The following MDGA2 variants were observed in gnomAD, a reference collection of about 807,000 sequenced individuals.
MDGA2 encodes the protein MAM domain-containing glycosylphosphatidylinositol anchor protein 2.
In MDGA2, 40 loss-of-function variants were observed where a neutral mutation model predicts 117.8. The ratio of observed to expected loss-of-function variants is 0.34; its 90% CI spans 0.26 to 0.44. The LOEUF (loss-of-function observed/expected upper bound fraction) is 0.44, where lower values mean the gene tolerates loss of function less well. Ranked by LOEUF, MDGA2 falls within the 20% of genes least tolerant of loss-of-function variation. MDGA2 has a pLI of 1.00. For synonymous variants in MDGA2, 452 were observed against 439.0 expected, an observed-to-expected ratio of 1.03 and a Z score of -0.37; for missense variants, 1,123 against 1,250.6, an observed-to-expected ratio of 0.90 and a Z score of 1.54.
At chr14:47,090,827 G>C (rs1233744158) in intron 6 of MDGA2, among the ~76,000 whole-genome samples, 2 of 152,116 alleles carry the variant, frequency 1.3e-5, no homozygotes, top group East Asian at 3.9e-4. Context: ...ACAAAGAGAA[G>C]AGACAGACAG....
At chr14:47,257,497 T>A (rs1887661616) in intron 2 of MDGA2, among the ~76,000 whole-genome samples, 1 of 152,152 alleles carries the variant, frequency 6.6e-6, no homozygotes, top group Non-Finnish European at 1.5e-5. Flanking sequence ...TTATATTTTA[T>A]TATATATGTT....
chr14:47,135,710 T>C (rs923360891), intron 4 of MDGA2, among the ~76,000 whole-genome samples: 1 of 152,168 alleles, frequency 6.6e-6, no homozygotes, highest in Non-Finnish European at 1.5e-5. Context: ...AGTTTGTCAT[T>C]TGAGACTCTA....
chr14:47,131,896 C>A, intron 4 of MDGA2, 50 bp from the exon 5 acceptor site: 2 of 1,415,956 alleles, frequency 1.4e-6, no homozygotes, highest in South Asian at 1.4e-5. Context: ...CCAACACAAC[C>A]AGAATGAATG....
intron 1 of MDGA2, among the ~76,000 whole-genome samples, chr14:47,394,763 A>C (rs1220272080): frequency 6.6e-6 from 1 of 152,184 alleles, no homozygotes; most frequent in African/African-American, 2.4e-5. Context: ...ACAAAAATAT[A>C]TTATGATCAT....
At chr14:46,907,103 A>G (rs145110229) in intron 10 of MDGA2, among the ~76,000 whole-genome samples, 1,935 of 151,276 alleles carry the variant, frequency 0.013, 43 homozygotes, top group African/African-American at 0.044. Context: ...CAGCCTCCCA[A>G]GTAGCTGGGA....
chr14:47,540,878 T>G (rs914669383), intron 1 of MDGA2, among the ~76,000 whole-genome samples: 1 of 152,162 alleles, frequency 6.6e-6, no homozygotes, highest in African/African-American at 2.4e-5. Context: ...CTATATATTT[T>G]ATTTGATTGG....
At chr14:47,256,126 C>A (rs1176941899) in intron 2 of MDGA2, among the ~76,000 whole-genome samples, 1 of 138,098 alleles carries the variant, frequency 7.2e-6, no homozygotes, top group Non-Finnish European at 1.5e-5. Flanking sequence ...AAGCCCTGAT[C>A]TTATATCTCA....
intron 1 of MDGA2, among the ~76,000 whole-genome samples, chr14:47,545,106 A>T (rs1386262380): frequency 6.6e-6 from 1 of 152,216 alleles, no homozygotes; most frequent in African/African-American, 2.4e-5. Flanking sequence ...GCCTTCTATT[A>T]GTATTGTGAA....
At position 47,302,941 on chromosome 14, in the gene MDGA2, T is replaced by C. The variant is rs540238437; in HGVS notation, c.281-1391A>G. ...GCTCTTTCTAGGTACCAAAGCATAA[T>C]CCTGTTACTCAACCTTGAAACTCAG... On this transcript the variant is annotated intron_variant, in intron 1 of 16. Transcript: ENST00000399232. Among the ~76,000 whole-genome samples the C allele has an allele frequency of 2.6e-5, 4 of 152,246 alleles. No homozygotes were observed. The East Asian group carries it at 7.7e-4, about 29-fold the overall frequency.
chr14:47,190,418 T>G (rs1885065788), intron 3 of MDGA2, among the ~76,000 whole-genome samples: 1 of 152,178 alleles, frequency 6.6e-6, no homozygotes, highest in African/African-American at 2.4e-5. Flanking sequence ...ACATTGACCT[T>G]CAAGGTATGT....
intron 14 of MDGA2, among the ~76,000 whole-genome samples, chr14:46,863,437 C>T: frequency 6.6e-6 from 1 of 152,086 alleles, no homozygotes; most frequent in East Asian, 1.9e-4. Flanking sequence ...AGGCACACAG[C>T]CTGTGCAATT....
chr14:47,053,166 C>A (rs1889516475), intron 7 of MDGA2, among the ~76,000 whole-genome samples: 1 of 151,812 alleles, frequency 6.6e-6, no homozygotes, highest in Non-Finnish European at 1.5e-5. Flanking sequence ...GCTTATTTTC[C>A]TTGATTTCCA....
chr14:47,207,922 C>T (rs1885745847), intron 3 of MDGA2, among the ~76,000 whole-genome samples: 1 of 151,960 alleles, frequency 6.6e-6, no homozygotes, highest in Non-Finnish European at 1.5e-5. Flanking sequence ...CAGTATGTTT[C>T]AGAAGCTAAG....
intron 2 of MDGA2, among the ~76,000 whole-genome samples, chr14:47,242,905 C>G (rs534944725): frequency 6.6e-6 from 1 of 151,806 alleles, no homozygotes; most frequent in Non-Finnish European, 1.5e-5. Context: ...CAGCTGGGCT[C>G]CTGAGTCTGG....
At chr14:47,026,910 A>G (rs538905982) in intron 8 of MDGA2, among the ~76,000 whole-genome samples, 57 of 152,270 alleles carry the variant, frequency 3.7e-4, no homozygotes, top group Non-Finnish European at 6.6e-4. Flanking sequence ...AGTGGTTCAC[A>G]CCTTCAATCC....
chr14:47,415,932 A>C (rs991411086), intron 1 of MDGA2, among the ~76,000 whole-genome samples: 1 of 152,176 alleles, frequency 6.6e-6, no homozygotes, highest in Non-Finnish European at 1.5e-5. Context: ...GTTAAAGGGC[A>C]ATCTGTAAAT....
chr14:47,604,132 C>A (rs2138886044), intron 1 of MDGA2, among the ~76,000 whole-genome samples: 1 of 152,224 alleles, frequency 6.6e-6, no homozygotes, highest in South Asian at 2.1e-4. Flanking sequence ...CCAAACACAG[C>A]CTCCAAGCCT....
chr14:47,478,524 G>A (rs1182672462), intron 1 of MDGA2, among the ~76,000 whole-genome samples: 1 of 151,812 alleles, frequency 6.6e-6, no homozygotes, highest in Non-Finnish European at 1.5e-5. Flanking sequence ...ACAGGTGCCC[G>A]ATACCATGAC....
At chr14:47,188,098 T>C (rs1226633097) in intron 3 of MDGA2, among the ~76,000 whole-genome samples, 2 of 152,170 alleles carry the variant, frequency 1.3e-5, no homozygotes, top group Non-Finnish European at 2.9e-5. Flanking sequence ...TTTGCTTGTT[T>C]GGTAACATCG....
Sources: allele counts gnomAD v4.1 joint callset (sites outside exome capture counted in the v4.1 genomes callset), GRCh38; gene constraint gnomAD v4.1.1; transcripts MANE v1.5; gene names NCBI Gene and HGNC (gene_info 2026-07-23, HGNC 2026-07-21).